The following NBAS variants were observed in gnomAD, a reference collection of about 807,000 sequenced individuals.
NBAS encodes NAG/BC035112 fusion.
A neutral mutation model predicts 302.5 loss-of-function variants in NBAS; 219 were observed. The ratio of observed to expected loss-of-function variants is 0.72; its 90% CI spans 0.65 to 0.81. The LOEUF (loss-of-function observed/expected upper bound fraction) is 0.81, where lower values mean the gene tolerates loss of function less well. NBAS is among the 30% of genes least tolerant of loss of function. NBAS has a pLI of 0.00. For synonymous variants in NBAS, 1,118 were observed against 1,021.6 expected, an observed-to-expected ratio of 1.09 and a Z score of -1.80; for missense variants, 2,932 against 2,841.6, an observed-to-expected ratio of 1.03 and a Z score of -0.72.
the NBAS span, among the ~76,000 whole-genome samples, chr2:15,158,947 C>T: frequency 3.9e-5 from 6 of 152,280 alleles, no homozygotes; most frequent in Middle Eastern, 3.4e-3. Context: ...TAAACAATTG[C>T]CCCTTCCAGA....
At position 15,308,345 on chromosome 2, in the gene NBAS, A is replaced by T. The variant is rs140727323; in HGVS notation, c.4668T>A (p.Asp1556Glu). 7.4e-6 allele frequency: 12 copies of T among 1,613,986 alleles called. No individual in the cohort carries two copies. Among genetic ancestry groups the T allele is most frequent in the Non-Finnish European group, 1.0e-5 (12 of 1,180,000 alleles). Reference protein sequence around the residue: ...AYLLALPQVLDANRCFEKQSP... With the variant: ...AYLLALPQVLEANRCFEKQSP... ...ACTGCTTTTCAAAGCACCGGTTAGC[A>T]TCTAACACCTAGGAGGGAACATGTT... Residue 1556 changes from aspartate to glutamate, a missense_variant, in exon 40 of 52, where the codon GAT becomes GAA. Asp to Glu is a conservative substitution (Grantham distance 45). Transcript: ENST00000281513.
At chr2:14,849,662 G>A in the NBAS span, among the ~76,000 whole-genome samples, 1 of 139,884 alleles carries the variant, frequency 7.1e-6, no homozygotes, top group East Asian at 1.9e-4. Flanking sequence ...AGGAAAAAGT[G>A]TTAAGGGCAG....
At chr2:15,548,991 C>T (rs1169320485) in intron 6 of NBAS, among the ~76,000 whole-genome samples, 1 of 152,122 alleles carries the variant, frequency 6.6e-6, no homozygotes, top group Non-Finnish European at 1.5e-5. Flanking sequence ...AAAAAATGAA[C>T]TGTATTCCAG....
At chr2:15,101,700 T>C in the NBAS span, among the ~76,000 whole-genome samples, 1 of 152,166 alleles carries the variant, frequency 6.6e-6, no homozygotes, top group African/African-American at 2.4e-5. Context: ...TTATCCAATG[T>C]CAATATTCAT....
chr2:15,101,089 C>T, the NBAS span, among the ~76,000 whole-genome samples: 1 of 152,212 alleles, frequency 6.6e-6, no homozygotes, highest in South Asian at 2.1e-4. Context: ...AGCACAGCCA[C>T]CAGTGCCCTG....
chr2:15,096,424 T>C, the NBAS span, among the ~76,000 whole-genome samples: 1 of 152,302 alleles, frequency 6.6e-6, no homozygotes, highest in East Asian at 1.9e-4. Context: ...CTGAAGCCAT[T>C]CTGTGAGGTG....
chr2:14,779,619 G>T, the NBAS span, among the ~76,000 whole-genome samples: 1 of 152,060 alleles, frequency 6.6e-6, no homozygotes, highest in African/African-American at 2.4e-5. Context: ...CACTCCTTTA[G>T]TTCTCACCTT....
chr2:15,014,118 A>G, the NBAS span, among the ~76,000 whole-genome samples: 1 of 152,190 alleles, frequency 6.6e-6, no homozygotes, highest in African/African-American at 2.4e-5. Flanking sequence ...ATAAATATAT[A>G]TCCACCCAAC....
At chr2:14,902,449 T>C in the NBAS span, among the ~76,000 whole-genome samples, 1 of 152,164 alleles carries the variant, frequency 6.6e-6, no homozygotes, top group Admixed American at 6.5e-5. Flanking sequence ...CACATTTTTA[T>C]GTCTAATATT....
the NBAS span, among the ~76,000 whole-genome samples, chr2:15,073,532 T>A: frequency 6.6e-6 from 1 of 152,020 alleles, no homozygotes; most frequent in South Asian, 2.1e-4. Context: ...AGGCATCTGT[T>A]TCTATTTTTT....
the NBAS span, among the ~76,000 whole-genome samples, chr2:15,135,086 A>ACCC: frequency 1.3e-5 from 2 of 152,170 alleles, no homozygotes; most frequent in Non-Finnish European, 2.9e-5. Context: ...AGTCAGCTGC[A>ACCC]CCCTCTAATT....
chr2:15,090,480 C>G, the NBAS span, among the ~76,000 whole-genome samples: 3 of 152,204 alleles, frequency 2.0e-5, no homozygotes. Context: ...CTTGAGCAAG[C>G]TATAAAAATC....
At chr2:15,372,124 C>G (rs1168478976) in intron 31 of NBAS, among the ~76,000 whole-genome samples, 3 of 152,100 alleles carry the variant, frequency 2.0e-5, no homozygotes, top group Non-Finnish European at 4.4e-5. Flanking sequence ...CTGAGTGTAA[C>G]TATAATGCTG....
intron 11 of NBAS, among the ~76,000 whole-genome samples, chr2:15,493,104 C>T (rs1043863217): frequency 3.3e-5 from 5 of 152,170 alleles, no homozygotes; most frequent in African/African-American, 9.7e-5. Context: ...TAAAAGTGTG[C>T]GGCAGTTCTG....
chr2:15,474,532 A>G (rs150611936), intron 14 of NBAS, among the ~76,000 whole-genome samples: 191 of 149,926 alleles, frequency 1.3e-3, no homozygotes, highest in African/African-American at 4.5e-3. Flanking sequence ...GCTCAAATCT[A>G]AACTAAAGCC....
intron 32 of NBAS, among the ~76,000 whole-genome samples, chr2:15,357,648 T>C (rs745649873): frequency 6.6e-6 from 1 of 152,124 alleles, no homozygotes; most frequent in Non-Finnish European, 1.5e-5. Flanking sequence ...TCAGGGATAA[T>C]TTTTTCATTA....
the NBAS span, among the ~76,000 whole-genome samples, chr2:14,780,553 C>T: frequency 1.3e-5 from 2 of 152,202 alleles, no homozygotes; most frequent in Non-Finnish European, 2.9e-5. Flanking sequence ...GGTAATCGTT[C>T]ACTCTCCTCA....
intron 19 of NBAS, among the ~76,000 whole-genome samples, chr2:15,463,348 CT>C (rs936851603): frequency 1.3e-5 from 2 of 152,144 alleles, no homozygotes; most frequent in South Asian, 2.1e-4. Flanking sequence ...GTTACACATC[CT>C]GTCACAAAAC....
intron 21 of NBAS, among the ~76,000 whole-genome samples, chr2:15,449,005 T>TA (rs1678881411): frequency 6.6e-6 from 1 of 152,162 alleles, no homozygotes; most frequent in African/African-American, 2.4e-5. Context: ...TCAAGGTTTT[T>TA]AGAGTTTGCA....
Sources: gnomAD v4.1 joint callset for allele counts (sites outside exome capture counted in the v4.1 genomes callset) on GRCh38, gnomAD v4.1.1 for gene constraint, MANE v1.5 for transcripts, NCBI Gene and HGNC (gene_info 2026-07-23, HGNC 2026-07-21) for gene names.